Variants in SLC35D1 observed in about 807,000 individuals in gnomAD.
The protein encoded by SLC35D1 is solute carrier family 35 member D1.
Under a neutral mutation model 46.7 loss-of-function variants are expected in SLC35D1, and 31 were observed. The observed-to-expected ratio is 0.66, with a 90% CI of 0.50 to 0.90. The LOEUF is 0.90. Ranked by LOEUF, SLC35D1 falls within the 40% of genes least tolerant of loss-of-function variation. SLC35D1 has a pLI of 0.00. For missense variants in SLC35D1, 397 were observed against 426.2 expected, an observed-to-expected ratio of 0.93 and a Z score of 0.60; for synonymous variants, 195 against 164.6, an observed-to-expected ratio of 1.18 and a Z score of -1.41.
the SLC35D1 span, among the ~76,000 whole-genome samples, chr1:66,983,425 G>A: frequency 3.9e-5 from 6 of 152,118 alleles, no homozygotes; most frequent in East Asian, 1.9e-4. Flanking sequence ...CCTTTATGCC[G>A]AATATTTTTC....
the SLC35D1 span, among the ~76,000 whole-genome samples, chr1:66,990,045 A>ATTAT: frequency 6.6e-6 from 1 of 152,100 alleles, no homozygotes; most frequent in African/African-American, 2.4e-5. Context: ...ATCCTTTTTT[A>ATTAT]TTATTTTTGA....
rs372293572 is a variant in SLC35D1, at chr1:67,042,218, G to A, written c.729+18C>T. ...GTTCATCAACGTAAGCCATTAAACC[G>A]TAATTAGAAAGTCCTACCTTTTGTG... On this transcript the variant is annotated intron_variant, in intron 8 of 11. Coordinates refer to ENST00000235345, the MANE Select transcript of SLC35D1 (RefSeq NM_015139.3). 117 of 1,602,166 alleles carry A rather than the reference G, an allele frequency of 7.3e-5. No homozygotes were observed. The highest frequency in any genetic ancestry group is 6.6e-4 in the Middle Eastern group (4 of 6,060).
intron 8 of SLC35D1, among the ~76,000 whole-genome samples, chr1:67,032,992 G>C (rs781396823): frequency 6.6e-6 from 1 of 152,130 alleles, no homozygotes; most frequent in East Asian, 1.9e-4. Flanking sequence ...ATGAGAACAC[G>C]TGAAGTTTGT....
the SLC35D1 span, among the ~76,000 whole-genome samples, chr1:66,989,696 C>T: frequency 7.9e-5 from 12 of 152,192 alleles, no homozygotes; most frequent in Non-Finnish European, 1.5e-4. Context: ...AAATCCTGGG[C>T]TCGAGTGATC....
At chr1:67,034,588 TAG>T (rs1450834358) in intron 8 of SLC35D1, among the ~76,000 whole-genome samples, 1 of 152,210 alleles carries the variant, frequency 6.6e-6, no homozygotes, top group Non-Finnish European at 1.5e-5. Context: ...AGTTTTTTGG[TAG>T]AGTCTTTAGG....
Position 67,009,142 on chromosome 1 carries a change from A to G in SLC35D1, c.902T>C (p.Met301Thr), listed in dbSNP as rs936897641. 12 of 1,462,836 alleles carry G rather than the reference A, an allele frequency of 8.2e-6. No homozygotes were observed. The highest frequency in any genetic ancestry group is 4.2e-5 in the African/African-American group (3 of 71,758). 90.6% of individuals were successfully genotyped at this position (1,462,836 alleles called of 1,614,324 possible). A position where few individuals can be genotyped will look rare whatever the true frequency, so the allele number is the denominator to read the frequency against. Residue 301 changes from methionine (M) to threonine (T), a missense_variant, in exon 11 of 12, where the codon ATG (methionine) becomes ACG (threonine). Transcript: ENST00000235345. ...IKNILITYIG[M>T]VFGGDYIFTW... ...GAAAATATAATCTCCACCAAAGACC[A>G]TTCCAATATAAGTTATTAATATATT...
chr1:67,034,315 AT>A (rs1405408109), intron 8 of SLC35D1, among the ~76,000 whole-genome samples: 1 of 152,124 alleles, frequency 6.6e-6, no homozygotes. Flanking sequence ...GATTTTTCCA[AT>A]CCATGAACAT....
intron 8 of SLC35D1, among the ~76,000 whole-genome samples, chr1:67,037,838 C>T (rs1026189381): frequency 6.6e-6 from 1 of 152,028 alleles, no homozygotes; most frequent in African/African-American, 2.4e-5. Flanking sequence ...AAAATTCTTT[C>T]CCTGAAAAAT....
rs372859338 is a variant in SLC35D1 at position 67,020,432 on chromosome 1, G to A, written c.813C>T (p.Tyr271=). The A allele has an allele frequency of 7.3e-5, 117 of 1,607,746 alleles. No homozygotes were observed. The highest frequency in any genetic ancestry group is 9.2e-5 in the Non-Finnish European group (108 of 1,174,484). ...LSCVMGFILM[Y]ATVLCTQYNS... Reference sequence around the variant, plus strand: ...TATACTGCGTGCAGAGTACTGTGGCGTACATTAAGATAAACCTAGAATGAA... The same window carrying A: ...TATACTGCGTGCAGAGTACTGTGGCATACATTAAGATAAACCTAGAATGAA... The change falls in exon 10 of 12, where the codon TAC becomes TAT. Residue 271 remains tyrosine (Y), a synonymous_variant. Coordinates refer to ENST00000235345, the MANE Select transcript of SLC35D1 (RefSeq NM_015139.3).
chr1:66,991,794 CT>C, the SLC35D1 span, among the ~76,000 whole-genome samples: 65 of 149,188 alleles, frequency 4.4e-4, no homozygotes, highest in African/African-American at 1.7e-4. Context: ...ATATTTACAG[CT>C]TTTTTTTTTA....
chr1:66,976,493 C>T, the SLC35D1 span: 1 of 1,050,038 alleles, frequency 9.5e-7, no homozygotes, highest in South Asian at 1.7e-5. Context: ...GATTATATTT[C>T]AGTTAAGGAC....
intron 7 of SLC35D1, among the ~76,000 whole-genome samples, chr1:67,042,602 G>A (rs1558164711): frequency 6.6e-6 from 1 of 152,094 alleles, no homozygotes; most frequent in Non-Finnish European, 1.5e-5. Flanking sequence ...ACTACTGGCT[G>A]CCTCAAAATA....
intron 8 of SLC35D1, among the ~76,000 whole-genome samples, chr1:67,021,904 G>T (rs1444561418): frequency 6.6e-6 from 1 of 152,276 alleles, no homozygotes; most frequent in East Asian, 1.9e-4. Context: ...CACTATTGGT[G>T]CAAAGAAACT....
chr1:67,043,695 A>G (rs1645220076), intron 7 of SLC35D1, among the ~76,000 whole-genome samples: 1 of 152,238 alleles, frequency 6.6e-6, no homozygotes, highest in East Asian at 1.9e-4. Context: ...AATGAAGATT[A>G]AGATTACTAT....
intron 8 of SLC35D1, among the ~76,000 whole-genome samples, chr1:67,038,607 T>A (rs1668172350): frequency 1.3e-5 from 2 of 152,208 alleles, no homozygotes; most frequent in Non-Finnish European, 2.9e-5. Flanking sequence ...TCTGTACTGA[T>A]GCTTTGGAAA....
the SLC35D1 span, among the ~76,000 whole-genome samples, chr1:66,975,547 G>A: frequency 2.7e-5 from 4 of 149,022 alleles, no homozygotes; most frequent in Middle Eastern, 3.2e-3. Context: ...AAAAAGAAAG[G>A]AAAAAAGTTA....
At chr1:66,981,675 T>G in the SLC35D1 span, 1 of 822,530 alleles carries the variant, frequency 1.2e-6, no homozygotes, top group Non-Finnish European at 1.9e-6. Context: ...GAATGTTAAG[T>G]GAATATTAGG....
chr1:67,008,800 G>A (rs575002572), intron 11 of SLC35D1, among the ~76,000 whole-genome samples: 4 of 152,156 alleles, frequency 2.6e-5, no homozygotes, highest in Non-Finnish European at 4.4e-5. Context: ...TAGAGACGGG[G>A]TTTCACAACA....
At position 67,042,229 on chromosome 1, in the gene SLC35D1, G is replaced by A. The variant is rs1443933691; in HGVS notation, c.729+7C>T. ...TAAGCCATTAAACCGTAATTAGAAA[G>A]TCCTACCTTTTGTGCATCTCCTGTG... On this transcript the variant is annotated splice_region_variant and intron_variant, in intron 8 of 11. Transcript: ENST00000235345. 1.2e-6 allele frequency: 2 copies of A among 1,611,874 alleles called. No homozygotes were observed. Among genetic ancestry groups the A allele is most frequent in the East Asian group, 4.5e-5 (2 of 44,856 alleles).
Sources: allele counts gnomAD v4.1 joint callset (sites outside exome capture counted in the v4.1 genomes callset), GRCh38; gene constraint gnomAD v4.1.1; transcripts MANE v1.5; gene names NCBI Gene and HGNC (gene_info 2026-07-23, HGNC 2026-07-21).